Variants in FHIT observed in about 807,000 individuals in gnomAD.
FHIT encodes the protein fragile histidine triad diadenosine triphosphatase, also known as bis(5'-adenosyl)-triphosphatase.
In FHIT, 19 loss-of-function variants were observed where a neutral mutation model predicts 17.9. The observed-to-expected ratio is 1.06, with a 90% confidence interval of 0.74 to 1.56. FHIT has a LOEUF of 1.56. Ranked by LOEUF, FHIT falls within the 40% of genes most tolerant of loss-of-function variation. The pLI, the probability that FHIT is intolerant of heterozygous loss-of-function variation, is 0.00. For synonymous variants in FHIT, 81 were observed against 69.7 expected (o/e 1.16, Z -0.81); for missense variants, 248 against 189.2 (o/e 1.31, Z -1.82).
intron 5 of FHIT, among the ~76,000 whole-genome samples, chr3:60,015,245 G>A (rs867183169): frequency 2.6e-5 from 4 of 152,176 alleles, no homozygotes; most frequent in South Asian, 4.2e-4. Context: ...GAGCCCAAGG[G>A]GAAACACAAC....
chr3:60,777,653 A>G (rs1048653922), intron 4 of FHIT, among the ~76,000 whole-genome samples: 1 of 152,274 alleles, frequency 6.6e-6, no homozygotes, highest in Non-Finnish European at 1.5e-5. Context: ...TTTTCCCACA[A>G]GAGACGTTGC....
At chr3:61,058,762 G>C (rs1160597305) in intron 2 of FHIT, among the ~76,000 whole-genome samples, 2 of 152,184 alleles carry the variant, frequency 1.3e-5, no homozygotes, top group African/African-American at 4.8e-5. Flanking sequence ...TGCAAGAACG[G>C]ACTAATGCAG....
chr3:60,701,684 C>T (rs62251537), intron 4 of FHIT, among the ~76,000 whole-genome samples: 17,736 of 152,084 alleles, frequency 0.12, 2,298 homozygotes, highest in African/African-American at 0.32. Context: ...AGTGATGTTT[C>T]CCTGTGGAGC....
At chr3:60,568,449 G>A (rs2037221119) in intron 4 of FHIT, among the ~76,000 whole-genome samples, 1 of 151,684 alleles carries the variant, frequency 6.6e-6, no homozygotes, top group Non-Finnish European at 1.5e-5. Context: ...ACACACCAGG[G>A]CCTGTTGTGG....
chr3:60,240,384 C>G (rs1465627138), intron 5 of FHIT, among the ~76,000 whole-genome samples: 2 of 152,092 alleles, frequency 1.3e-5, no homozygotes, highest in Admixed American at 1.3e-4. Context: ...GATAACAAAA[C>G]CCTTAAATTT....
chr3:60,202,505 GTTCACA>G (rs2107496785), intron 5 of FHIT, among the ~76,000 whole-genome samples: 1 of 152,302 alleles, frequency 6.6e-6, no homozygotes, highest in Non-Finnish European at 1.5e-5. Flanking sequence ...TAATTTACTT[GTTCACA>G]GTTGTACATG....
chr3:60,360,004 T>G (rs1467187459), intron 5 of FHIT, among the ~76,000 whole-genome samples: 1 of 150,856 alleles, frequency 6.6e-6, no homozygotes, highest in Non-Finnish European at 1.5e-5. Context: ...TTTCTTTTTT[T>G]TTTTTTCATT....
intron 3 of FHIT, among the ~76,000 whole-genome samples, chr3:60,853,076 G>A (rs1703217799): frequency 6.6e-6 from 1 of 151,980 alleles, no homozygotes; most frequent in Non-Finnish European, 1.5e-5. Flanking sequence ...AAATTCTGAT[G>A]TGAGCATCTC....
chr3:60,064,201 C>CA lies in FHIT; in HGVS notation c.104-50050dup, dbSNP rs1702405704. On this transcript the variant is annotated intron_variant, in intron 5 of 9. Coordinates refer to ENST00000492590, the MANE Select transcript of FHIT (RefSeq NM_002012.4). ...TAGGTATGGCTAATTTGATTTAAATCAATAATATTAATGAAACATAAAAGT... is the reference window on the plus strand; with the variant it reads ...TAGGTATGGCTAATTTGATTTAAATCAAATAATATTAATGAAACATAAAAGT... Among the ~76,000 whole-genome samples, 3 of 151,880 alleles carry CA rather than the reference C, an allele frequency of 2.0e-5. No homozygotes were observed. In the South Asian group the frequency reaches 6.2e-4, roughly 31 times the overall value.
At chr3:60,087,918 T>G (rs948826701) in intron 5 of FHIT, among the ~76,000 whole-genome samples, 1 of 152,200 alleles carries the variant, frequency 6.6e-6, no homozygotes, top group African/African-American at 2.4e-5. Flanking sequence ...CTTAGTTCAT[T>G]TTGTATCGCT....
At chr3:60,781,638 G>A (rs1316279836) in intron 4 of FHIT, among the ~76,000 whole-genome samples, 1 of 152,030 alleles carries the variant, frequency 6.6e-6, no homozygotes, top group South Asian at 2.1e-4. Flanking sequence ...ATATCCTATT[G>A]CTAGCTCTCT....
At chr3:59,864,794 C>T (rs1702564984) in intron 8 of FHIT, among the ~76,000 whole-genome samples, 1 of 149,278 alleles carries the variant, frequency 6.7e-6, no homozygotes, top group Non-Finnish European at 1.5e-5. Context: ...ACCCTTTCTG[C>T]CTAAAAGGCC....
intron 4 of FHIT, among the ~76,000 whole-genome samples, chr3:60,538,311 C>T (rs1482379249): frequency 1.3e-5 from 2 of 152,176 alleles, no homozygotes; most frequent in Non-Finnish European, 2.9e-5. Context: ...AATGGAAGAA[C>T]ATTCTATGCT....
intron 5 of FHIT, among the ~76,000 whole-genome samples, chr3:60,503,806 G>T (rs2034618181): frequency 6.6e-6 from 1 of 152,034 alleles, no homozygotes; most frequent in African/African-American, 2.4e-5. Context: ...TGGAGAAGAT[G>T]GAAGAAAACA....
intron 7 of FHIT, among the ~76,000 whole-genome samples, chr3:59,997,971 G>C (rs776794535): frequency 9.2e-5 from 14 of 152,192 alleles, no homozygotes; most frequent in Middle Eastern, 3.4e-3. Context: ...AATTTAGTCA[G>C]GTTTCAACAC....
At chr3:60,073,692 G>A (rs1702882273) in intron 5 of FHIT, among the ~76,000 whole-genome samples, 1 of 152,036 alleles carries the variant, frequency 6.6e-6, no homozygotes, top group African/African-American at 2.4e-5. Flanking sequence ...CTAAGTAAGT[G>A]TTTCTGGAAA....
chr3:60,918,068 G>C (rs782368962), intron 3 of FHIT, among the ~76,000 whole-genome samples: 2 of 152,144 alleles, frequency 1.3e-5, no homozygotes, highest in South Asian at 2.1e-4. Context: ...TACTGTTCTC[G>C]TGGTAGTAAT....
At chr3:60,293,619 G>C (rs1314374556) in intron 5 of FHIT, among the ~76,000 whole-genome samples, 1 of 151,762 alleles carries the variant, frequency 6.6e-6, no homozygotes, top group Non-Finnish European at 1.5e-5. Context: ...ATGCCTGCTG[G>C]TTGGAATTGA....
At chr3:59,819,686 A>G (rs1700723393) in intron 8 of FHIT, among the ~76,000 whole-genome samples, 1 of 152,210 alleles carries the variant, frequency 6.6e-6, no homozygotes, top group Non-Finnish European at 1.5e-5. Flanking sequence ...ATCATTATAC[A>G]AATGGAATCA....
Sources: gnomAD v4.1 joint callset for allele counts (sites outside exome capture counted in the v4.1 genomes callset) on GRCh38, gnomAD v4.1.1 for gene constraint, MANE v1.5 for transcripts, NCBI Gene and HGNC (gene_info 2026-07-23, HGNC 2026-07-21) for gene names.